The following CCDC178 variants were observed in gnomAD, a reference collection of about 807,000 sequenced individuals.
CCDC178 encodes the protein coiled-coil domain containing 178.
A neutral mutation model predicts 117.4 loss-of-function variants in CCDC178; 126 were observed. The observed-to-expected ratio is 1.07, with a 90% CI of 0.93 to 1.24. The LOEUF (loss-of-function observed/expected upper bound fraction) is 1.24, where lower values mean the gene tolerates loss of function less well. Among genes scored for constraint, CCDC178 ranks in the 50% most tolerant of loss-of-function variants. The probability of loss-of-function intolerance (pLI) is 0.00; values close to 1 mark genes in which losing one functional copy is unlikely to be tolerated. For synonymous variants in CCDC178, 283 were observed against 313.4 expected (o/e 0.90, Z 1.02); for missense variants, 1,030 against 986.9 (o/e 1.04, Z -0.59).
intron 20 of CCDC178, among the ~76,000 whole-genome samples, chr18:33,204,871 A>G (rs1277101822): frequency 6.6e-6 from 1 of 152,136 alleles, no homozygotes; most frequent in African/African-American, 2.4e-5. Context: ...GGAAATTTAC[A>G]TGGTAAAAAC....
chr18:33,414,172 C>T (rs1012190929), intron 2 of CCDC178, among the ~76,000 whole-genome samples: 1 of 152,074 alleles, frequency 6.6e-6, no homozygotes, highest in Non-Finnish European at 1.5e-5. Flanking sequence ...AATGTCAAAA[C>T]TAAAAATAAT....
At chr18:33,071,897 A>T (rs1484065323) in intron 21 of CCDC178, among the ~76,000 whole-genome samples, 1 of 152,150 alleles carries the variant, frequency 6.6e-6, no homozygotes, top group Non-Finnish European at 1.5e-5. Flanking sequence ...ATTAGTTGGT[A>T]TAAGGAGGAG....
At chr18:33,274,353 T>G (rs999749682) in intron 12 of CCDC178, among the ~76,000 whole-genome samples, 8 of 151,968 alleles carry the variant, frequency 5.3e-5, no homozygotes, top group Admixed American at 2.6e-4. Context: ...CGGCAGTTCC[T>G]CAAAATGTTA....
intron 14 of CCDC178, among the ~76,000 whole-genome samples, chr18:33,266,338 C>G (rs1178087978): frequency 6.6e-6 from 1 of 151,712 alleles, no homozygotes; most frequent in Non-Finnish European, 1.5e-5. Context: ...TATCAGATTG[C>G]AAAATTGTAG....
chr18:33,160,629 G>A (rs1016494877), intron 20 of CCDC178, among the ~76,000 whole-genome samples: 1 of 152,026 alleles, frequency 6.6e-6, no homozygotes, highest in Non-Finnish European at 1.5e-5. Flanking sequence ...TTGGTTCTGG[G>A]CTCGGGGTTT....
chr18:32,938,184 T>A, intron 22 of CCDC178, 93 bp from the exon 23 acceptor site: 1 of 858,984 alleles, frequency 1.2e-6, no homozygotes, highest in South Asian at 1.5e-5. Flanking sequence ...GGAAAACTTA[T>A]CAACAATAAA....
At chr18:33,323,415 AT>A in intron 11 of CCDC178, 75 bp downstream of exon 11, 1 of 932,508 alleles carries the variant, frequency 1.1e-6, no homozygotes, top group Non-Finnish European at 1.4e-6. Context: ...AATTTTCTAT[AT>A]AGAAATATAC....
chr18:33,271,966 T>C (rs971375693), intron 12 of CCDC178, among the ~76,000 whole-genome samples: 1 of 151,512 alleles, frequency 6.6e-6, no homozygotes, highest in Non-Finnish European at 1.5e-5. Context: ...AAGAAGTTCT[T>C]ATGTCAGTAA....
chr18:33,220,454 G>A (rs1599017116), intron 18 of CCDC178, among the ~76,000 whole-genome samples: 2 of 151,922 alleles, frequency 1.3e-5, no homozygotes, highest in Non-Finnish European at 2.9e-5. Flanking sequence ...ACCAAAACTG[G>A]CCCTTGCTTT....
intron 4 of CCDC178, among the ~76,000 whole-genome samples, chr18:33,391,033 CA>C (rs1359725479): frequency 1.3e-5 from 2 of 149,562 alleles, no homozygotes; most frequent in African/African-American, 4.9e-5. Flanking sequence ...GGAAATTGTT[CA>C]AAAAATATAA....
At chr18:33,258,831 T>C (rs1316333791) in intron 14 of CCDC178, among the ~76,000 whole-genome samples, 3 of 152,264 alleles carry the variant, frequency 2.0e-5, no homozygotes, top group East Asian at 3.9e-4. Context: ...GAAGTACAAA[T>C]AAAGATATAT....
intron 21 of CCDC178, among the ~76,000 whole-genome samples, chr18:32,998,921 C>T (rs557339359): frequency 2.0e-4 from 30 of 151,944 alleles, no homozygotes; most frequent in African/African-American, 4.1e-4. Flanking sequence ...GTGGTGGCTA[C>T]GGAAAGAGGC....
chr18:33,183,971 T>G (rs1187413799), intron 20 of CCDC178, among the ~76,000 whole-genome samples: 3 of 152,110 alleles, frequency 2.0e-5, no homozygotes, highest in Non-Finnish European at 2.9e-5. Flanking sequence ...AAGACTTATC[T>G]GTTCTCTATC....
intron 20 of CCDC178, among the ~76,000 whole-genome samples, chr18:33,139,226 G>C (rs1208351085): frequency 6.6e-6 from 1 of 152,022 alleles, no homozygotes; most frequent in African/African-American, 2.4e-5. Context: ...AATCTCTTTT[G>C]CTTCCCAGTC....
At chr18:33,405,186 T>G (rs1211084586) in intron 3 of CCDC178, among the ~76,000 whole-genome samples, 1 of 151,880 alleles carries the variant, frequency 6.6e-6, no homozygotes, top group African/African-American at 2.4e-5. Context: ...TTATTTAAAT[T>G]ATGATAAAGA....
At chr18:33,007,072 T>C (rs2144786811) in intron 21 of CCDC178, among the ~76,000 whole-genome samples, 1 of 152,182 alleles carries the variant, frequency 6.6e-6, no homozygotes, top group African/African-American at 2.4e-5. Flanking sequence ...TTGTAGTAAT[T>C]TGTTACACAG....
At chr18:32,975,298 G>A (rs2055008261) in intron 21 of CCDC178, among the ~76,000 whole-genome samples, 1 of 152,040 alleles carries the variant, frequency 6.6e-6, no homozygotes, top group Admixed American at 6.6e-5. Flanking sequence ...CATGTGACAT[G>A]GAAACATCTC....
intron 5 of CCDC178, among the ~76,000 whole-genome samples, chr18:33,375,421 AAAATGTAC>A (rs1381856839): frequency 5.3e-5 from 8 of 152,148 alleles, no homozygotes; most frequent in Admixed American, 2.6e-4. Context: ...GCTCCTTGCA[AAAATGTAC>A]AAATTTCCCA....
intron 11 of CCDC178, among the ~76,000 whole-genome samples, chr18:33,317,013 C>A (rs1266297480): frequency 6.6e-6 from 1 of 152,120 alleles, no homozygotes. Flanking sequence ...GAACAATTGG[C>A]TCTCTGTAAA....
Sources: allele counts gnomAD v4.1 joint callset (sites outside exome capture counted in the v4.1 genomes callset), GRCh38; gene constraint gnomAD v4.1.1; transcripts MANE v1.5; gene names NCBI Gene and HGNC (gene_info 2026-07-23, HGNC 2026-07-21).